Variants in C10orf67 observed in about 807,000 individuals in gnomAD.
C10orf67 encodes the protein uncharacterized protein C10orf67, mitochondrial.
C10orf67 carries 60 observed loss-of-function variants against 35.6 expected under a neutral mutation model. The ratio of observed to expected loss-of-function variants is 1.68; its 90% CI spans 1.37 to 2.09. The LOEUF (loss-of-function observed/expected upper bound fraction) is 2.09, where lower values mean the gene tolerates loss of function less well. Among genes scored for constraint, C10orf67 ranks in the 30% most tolerant of loss-of-function variants. The probability of loss-of-function intolerance (pLI) is 0.00; values close to 1 mark genes in which losing one functional copy is unlikely to be tolerated. For synonymous variants in C10orf67, 167 were observed against 115.8 expected (o/e 1.44, Z -2.84); for missense variants, 474 against 330.2 (o/e 1.44, Z -3.38).
At chr10:23,272,504 TC>T (rs1843057476) in intron 8 of C10orf67, among the ~76,000 whole-genome samples, 1 of 152,252 alleles carries the variant, frequency 6.6e-6, no homozygotes, top group Non-Finnish European at 1.5e-5. Flanking sequence ...TTATATATGA[TC>T]CATAAGTTCT....
At chr10:23,209,341 T>A (rs1841243397) in intron 15 of C10orf67, among the ~76,000 whole-genome samples, 1 of 151,734 alleles carries the variant, frequency 6.6e-6, no homozygotes, top group Non-Finnish European at 1.5e-5. Flanking sequence ...GTGCTCTGAA[T>A]AGGAGGAGGA....
At chr10:23,262,105 C>T (rs914076518) in intron 10 of C10orf67, among the ~76,000 whole-genome samples, 6 of 152,132 alleles carry the variant, frequency 3.9e-5, no homozygotes, top group African/African-American at 9.7e-5. Flanking sequence ...CAGCCACCTC[C>T]GGCTTGACTC....
At position 23,224,514 on chromosome 10, in the gene C10orf67, C is replaced by A. The variant is rs187037466; in HGVS notation, c.1435-696G>T. On this transcript the variant is annotated intron_variant, in intron 13 of 15. Coordinates refer to ENST00000636213, the MANE Select transcript of C10orf67 (RefSeq NM_001371909.1). ...ACTCAGCTCCTCGCCAGCAATGGAA[C>A]AAAGCGGGACGGAGAATGACTTTGA... Among the ~76,000 whole-genome samples, 644 of 152,286 alleles carry A rather than the reference C, an allele frequency of 4.2e-3. 1 individual carries two copies. Among genetic ancestry groups the A allele is most frequent in the African/African-American group, 0.015 (604 of 41,560 alleles).
chr10:23,273,174 T>G (rs1843079530), intron 8 of C10orf67, among the ~76,000 whole-genome samples: 3 of 152,316 alleles, frequency 2.0e-5, no homozygotes, highest in Middle Eastern at 3.4e-3. Flanking sequence ...TTATTTATTT[T>G]TGTGTGTGTG....
chr10:23,344,579 C>T lies in C10orf67; in HGVS notation c.196G>A (p.Gly66Arg). 2 of 1,576,024 alleles carry T rather than the reference C, an allele frequency of 1.3e-6. No individual in the cohort carries two copies. The highest frequency in any genetic ancestry group is 1.7e-6 in the Non-Finnish European group (2 of 1,161,890). Reference protein sequence around the residue: ...AREFKPPQMRGSTRLNISDDL... With the variant: ...AREFKPPQMRRSTRLNISDDL... The stretch of plus-strand genomic sequence containing the variant: ...CGGAGCTCAGCCTACCTCGTGGACC[C>T]GCGCATTTGCGGGGGCTTGAATTCC... The change falls in exon 1 of 16, where the codon GGG becomes AGG. Residue 66 changes from glycine to arginine, a missense_variant. Gly to Arg is a moderately radical substitution (Grantham distance 125). Transcript: ENST00000636213.
chr10:23,318,998 T>C lies in C10orf67; in HGVS notation c.546+1743A>G. 4.2e-6 allele frequency: 3 copies of C among 718,208 alleles called. No individual in the cohort carries two copies. The Admixed American group carries it at 6.0e-5, about 14-fold the overall frequency. 44.5% of individuals were successfully genotyped at this position (718,208 alleles called of 1,614,324 possible). ...AAAGGGTCTTCCATGAGAACCCTTTTTTTTCTTTCCAATTTTTGTTTTAGG... is the reference window on the plus strand; with the variant it reads ...AAAGGGTCTTCCATGAGAACCCTTTCTTTTCTTTCCAATTTTTGTTTTAGG... On this transcript the variant is annotated intron_variant, in intron 4 of 15. Transcript: ENST00000636213.
intron 5 of C10orf67, among the ~76,000 whole-genome samples, chr10:23,291,633 C>T (rs1843722305): frequency 6.6e-6 from 1 of 152,190 alleles, no homozygotes. Flanking sequence ...GTGCTGTCCG[C>T]CTGTAACTAG....
chr10:23,270,789 T>G (rs1389388383), intron 8 of C10orf67, among the ~76,000 whole-genome samples: 2 of 152,190 alleles, frequency 1.3e-5, no homozygotes, highest in Non-Finnish European at 1.5e-5. Flanking sequence ...AGGAGGAGTC[T>G]CCCACAATGC....
At chr10:23,240,641 G>A (rs2132139277) in intron 12 of C10orf67, among the ~76,000 whole-genome samples, 1 of 152,352 alleles carries the variant, frequency 6.6e-6, no homozygotes, top group South Asian at 2.1e-4. Flanking sequence ...ACTCTGTAGA[G>A]AAGGCAAGAG....
intron 10 of C10orf67, among the ~76,000 whole-genome samples, chr10:23,262,397 C>T (rs1443303495): frequency 6.6e-6 from 1 of 152,056 alleles, no homozygotes; most frequent in Non-Finnish European, 1.5e-5. Flanking sequence ...TCTGTGGGCT[C>T]CTGAATGTCA....
rs1040767316 is a variant in C10orf67, at chr10:23,203,959, G to A, written c.*214C>T. On this transcript the variant is annotated 3_prime_UTR_variant, in exon 16 of 16. Transcript: ENST00000636213. ...CCCCGCTCACCCAGCACCAGCCAGG[G>A]CTTTCCTTAAAGGCGTGGAAAGGAG... The A allele has an allele frequency of 3.3e-5, 12 of 360,722 alleles. No individual in the cohort carries two copies. Among genetic ancestry groups the A allele is most frequent in the Non-Finnish European group, 3.4e-5 (7 of 202,980 alleles). The allele number at this position is 360,722 out of a possible 1,614,324, so 22.3% of individuals were successfully genotyped here.
intron 5 of C10orf67, among the ~76,000 whole-genome samples, chr10:23,293,364 T>C (rs549357543): frequency 3.9e-5 from 6 of 152,322 alleles, no homozygotes; most frequent in Admixed American, 6.5e-5. Flanking sequence ...TAATTAACTA[T>C]TCAGACGCCC....
At chr10:23,218,000 C>A (rs977945242) in intron 15 of C10orf67, among the ~76,000 whole-genome samples, 4 of 152,206 alleles carry the variant, frequency 2.6e-5, no homozygotes, top group Non-Finnish European at 2.9e-5. Context: ...ATCTGACCTA[C>A]GGACAGAGCT....
intron 13 of C10orf67, among the ~76,000 whole-genome samples, chr10:23,231,032 C>G (rs1260388437): frequency 6.6e-6 from 1 of 152,092 alleles, no homozygotes; most frequent in Admixed American, 6.5e-5. Flanking sequence ...AAGGCACAAT[C>G]ATGGCTCACT....
intron 9 of C10orf67, 77 bp from the exon 10 acceptor site, chr10:23,266,503 C>T (rs1842886938): frequency 2.5e-6 from 1 of 397,554 alleles, no homozygotes; most frequent in African/African-American, 2.1e-5. Flanking sequence ...CACACTCTTC[C>T]CCTCCCCTGA....
chr10:23,328,820 CA>C (rs749859269), intron 2 of C10orf67, among the ~76,000 whole-genome samples: 2 of 149,922 alleles, frequency 1.3e-5, no homozygotes, highest in African/African-American at 4.9e-5. Context: ...CCCATCTCTA[CA>C]AAAAATTGTA....
chr10:23,285,432 G>GAGTCATAT (rs1470598237), intron 7 of C10orf67, among the ~76,000 whole-genome samples: 1 of 149,882 alleles, frequency 6.7e-6, no homozygotes, highest in African/African-American at 2.4e-5. Context: ...AATATAATGT[G>GAGTCATAT]AGTCATATAT....
chr10:23,215,564 A>T (rs967526835), intron 15 of C10orf67, among the ~76,000 whole-genome samples: 2 of 152,130 alleles, frequency 1.3e-5, no homozygotes, highest in Admixed American at 1.3e-4. Context: ...AGTGTAAGCC[A>T]CCATGCCCGG....
At chr10:23,232,637 A>G (rs1224712720) in intron 13 of C10orf67, among the ~76,000 whole-genome samples, 6 of 152,186 alleles carry the variant, frequency 3.9e-5, no homozygotes, top group Non-Finnish European at 4.4e-5. Context: ...TGGAGGACCA[A>G]GGAGAATCAA....
Sources: allele counts gnomAD v4.1 joint callset (sites outside exome capture counted in the v4.1 genomes callset), GRCh38; gene constraint gnomAD v4.1.1; transcripts MANE v1.5; gene names NCBI Gene and HGNC (gene_info 2026-07-23, HGNC 2026-07-21).